Variants in RARB observed in about 807,000 individuals in gnomAD.
RARB encodes retinoic acid receptor beta.
Under a neutral mutation model 51.9 loss-of-function variants are expected in RARB, and 17 were observed. The observed-to-expected ratio is 0.33, with a 90% CI of 0.22 to 0.49. The LOEUF (loss-of-function observed/expected upper bound fraction) is 0.49. Ranked by LOEUF, RARB falls within the 20% of genes least tolerant of loss-of-function variation. The pLI is 0.99. For synonymous variants in RARB, 215 were observed against 195.4 expected (o/e 1.10, Z -0.84); for missense variants, 369 against 550.8 (o/e 0.67, Z 3.30).
intron 5 of RARB, among the ~76,000 whole-genome samples, chr3:25,392,571 A>G (rs1706995876): frequency 6.6e-6 from 1 of 152,074 alleles, no homozygotes; most frequent in Non-Finnish European, 1.5e-5. Flanking sequence ...TTCTTTCAGC[A>G]GTGTTTTATA....
intron 2 of RARB, among the ~76,000 whole-genome samples, chr3:24,877,151 T>C (rs1703062494): frequency 6.6e-6 from 1 of 152,094 alleles, no homozygotes; most frequent in South Asian, 2.1e-4. Context: ...TATCTATATA[T>C]CTTTTGAAAA....
chr3:25,110,786 G>C (rs1415495116), intron 3 of RARB, among the ~76,000 whole-genome samples: 1 of 152,164 alleles, frequency 6.6e-6, no homozygotes, highest in Non-Finnish European at 1.5e-5. Context: ...GTAAGAATCT[G>C]TTCTTAATTA....
chr3:25,097,802 G>A (rs1359390603), intron 3 of RARB, among the ~76,000 whole-genome samples: 1 of 152,070 alleles, frequency 6.6e-6, no homozygotes, highest in Non-Finnish European at 1.5e-5. Flanking sequence ...GTCACAGGTG[G>A]TTCTCCTTCG....
At chr3:25,273,304 T>A (rs968481203) in intron 5 of RARB, among the ~76,000 whole-genome samples, 4 of 152,198 alleles carry the variant, frequency 2.6e-5, no homozygotes, top group Non-Finnish European at 5.9e-5. Context: ...ACATCTCAAG[T>A]CTTTTGAGCT....
chr3:25,404,365 A>C (rs1402186383), intron 5 of RARB, among the ~76,000 whole-genome samples: 4 of 152,210 alleles, frequency 2.6e-5, no homozygotes, highest in Admixed American at 2.0e-4. Context: ...TCCTTGGTAG[A>C]AAGTTGACTT....
At chr3:25,039,003 G>C (rs555569022) in intron 2 of RARB, among the ~76,000 whole-genome samples, 2 of 152,258 alleles carry the variant, frequency 1.3e-5, no homozygotes, top group African/African-American at 4.8e-5. Flanking sequence ...CAGCTACTTT[G>C]CTTAAACGGT....
intron 5 of RARB, among the ~76,000 whole-genome samples, chr3:25,191,035 C>G (rs190136002): frequency 6.7e-6 from 1 of 149,230 alleles, no homozygotes; most frequent in East Asian, 2.1e-4. Context: ...TTGTAAAAAA[C>G]AAAAACAACT....
chr3:25,308,300 T>C (rs776348285), intron 5 of RARB, among the ~76,000 whole-genome samples: 2 of 152,228 alleles, frequency 1.3e-5, no homozygotes, highest in Non-Finnish European at 2.9e-5. Context: ...TGGTAGCAAG[T>C]ACAAATCTAT....
chr3:25,061,675 G>A (rs1472579570), intron 3 of RARB, among the ~76,000 whole-genome samples: 2 of 151,594 alleles, frequency 1.3e-5, no homozygotes, highest in African/African-American at 4.8e-5. Context: ...CTAATTTATT[G>A]TTGCAGTTTA....
chr3:25,497,875 A>G (rs1439335966), intron 2 of RARB, among the ~76,000 whole-genome samples: 1 of 152,168 alleles, frequency 6.6e-6, no homozygotes, highest in Non-Finnish European at 1.5e-5. Context: ...TTCTAATTTT[A>G]GGTGGGAAAG....
intron 2 of RARB, among the ~76,000 whole-genome samples, chr3:25,058,234 A>T (rs1256297003): frequency 1.3e-5 from 2 of 151,948 alleles, no homozygotes; most frequent in Admixed American, 6.6e-5. Flanking sequence ...ACTTTCCCTC[A>T]GTCATAAAGA....
Position 25,299,060 on chromosome 3 carries a change from G to T in RARB, c.178+124485G>T, listed in dbSNP as rs911670228. Among the ~76,000 whole-genome samples the T allele has an allele frequency of 3.9e-5, 6 of 152,278 alleles. No homozygotes were observed. The East Asian group carries it at 1.2e-3, about 29-fold the overall frequency. ...TCTGGCAATGGCATTAAGGTGACTT[G>T]TTCTTACAAGGTCAGTGTATTAGCC... On this transcript the variant is annotated intron_variant, in intron 5 of 11. Coordinates refer to the RARB transcript ENST00000383772.
chr3:25,395,710 T>C (rs7650761), intron 5 of RARB, among the ~76,000 whole-genome samples: 27,383 of 152,122 alleles, frequency 0.18, 2,692 homozygotes, highest in Admixed American at 0.3. Context: ...TTGCAGTATA[T>C]TTTGGATTTC....
chr3:24,937,985 C>G (rs1486653394), intron 2 of RARB, among the ~76,000 whole-genome samples: 1 of 152,144 alleles, frequency 6.6e-6, no homozygotes, highest in Non-Finnish European at 1.5e-5. Context: ...TCACTTGATT[C>G]AGTACATTTC....
chr3:25,363,674 G>A (rs1201490724), intron 5 of RARB, among the ~76,000 whole-genome samples: 9 of 152,124 alleles, frequency 5.9e-5, no homozygotes, highest in South Asian at 4.1e-4. Flanking sequence ...CTACTAGACC[G>A]TTTCCTTGCC....
intron 5 of RARB, among the ~76,000 whole-genome samples, chr3:25,286,146 T>G (rs1703647580): frequency 7.6e-6 from 1 of 131,842 alleles, no homozygotes; most frequent in Non-Finnish European, 1.5e-5. Flanking sequence ...TGGAGTGCAG[T>G]GGCATGATCT....
At chr3:25,207,083 A>G in intron 5 of RARB, among the ~76,000 whole-genome samples, 1 of 152,346 alleles carries the variant, frequency 6.6e-6, no homozygotes, top group Non-Finnish European at 1.5e-5. Flanking sequence ...ATAACTTTTT[A>G]GAAATAAATT....
intron 5 of RARB, among the ~76,000 whole-genome samples, chr3:25,385,050 G>T (rs1216307591): frequency 6.6e-6 from 1 of 152,114 alleles, no homozygotes; most frequent in Non-Finnish European, 1.5e-5. Context: ...GGCCGTAGTA[G>T]ATACTTAAAG....
chr3:25,516,321 A>G (rs1698157376), intron 3 of RARB, among the ~76,000 whole-genome samples: 1 of 152,238 alleles, frequency 6.6e-6, no homozygotes, highest in Non-Finnish European at 1.5e-5. Context: ...GTGTTAAATT[A>G]TCAGTAGTGG....
Sources: gnomAD v4.1 joint callset for allele counts (sites outside exome capture counted in the v4.1 genomes callset) on GRCh38, gnomAD v4.1.1 for gene constraint, MANE v1.5 for transcripts, NCBI Gene and HGNC (gene_info 2026-07-23, HGNC 2026-07-21) for gene names.